SGCD: variants seen among roughly 807,000 people sequenced by gnomAD.
SGCD encodes sarcoglycan delta.
In SGCD, 18 loss-of-function variants were observed where a neutral mutation model predicts 36.6. The ratio of observed to expected loss-of-function variants is 0.49; its 90% CI spans 0.34 to 0.73. SGCD has a LOEUF of 0.73. Ranked by LOEUF, SGCD falls within the 30% of genes least tolerant of loss-of-function variation. The probability of loss-of-function intolerance (pLI) is 0.01; values close to 1 mark genes in which losing one functional copy is unlikely to be tolerated. For missense variants in SGCD, 387 were observed against 346.7 expected (o/e 1.12, Z -0.92); for synonymous variants, 133 against 130.6 (o/e 1.02, Z -0.12).
chr5:156,588,272 G>A (rs1300108835), intron 4 of SGCD, among the ~76,000 whole-genome samples: 1 of 151,380 alleles, frequency 6.6e-6, no homozygotes, highest in Non-Finnish European at 1.5e-5. Context: ...TGGTGGGAGG[G>A]GGAGACAAAA....
chr5:156,290,455 T>G (rs188827361), intron 3 of SGCD, among the ~76,000 whole-genome samples: 3 of 152,312 alleles, frequency 2.0e-5, no homozygotes, highest in African/African-American at 7.2e-5. Flanking sequence ...CTCCAACACT[T>G]ACCCAGCTGT....
At chr5:156,401,231 A>G (rs972934762) in intron 3 of SGCD, among the ~76,000 whole-genome samples, 2 of 152,234 alleles carry the variant, frequency 1.3e-5, no homozygotes, top group Non-Finnish European at 2.9e-5. Flanking sequence ...GGCAGCTATG[A>G]AAAGCAAAGA....
chr5:156,096,121 C>A (rs1761369688), intron 1 of SGCD, among the ~76,000 whole-genome samples: 1 of 152,186 alleles, frequency 6.6e-6, no homozygotes, highest in Admixed American at 6.5e-5. Flanking sequence ...TTCCCCAGAG[C>A]CCCAGCTATG....
At chr5:155,846,444 G>A in the SGCD span, among the ~76,000 whole-genome samples, 1 of 152,148 alleles carries the variant, frequency 6.6e-6, no homozygotes, top group African/African-American at 2.4e-5. Context: ...TGTGTTTGCT[G>A]ATGTGAACAG....
chr5:156,672,691 G>A (rs1196917681), intron 7 of SGCD, among the ~76,000 whole-genome samples: 1 of 152,108 alleles, frequency 6.6e-6, no homozygotes, highest in Non-Finnish European at 1.5e-5. Context: ...TTATGGGTTT[G>A]GGTCATTTTA....
At chr5:155,947,048 C>T (rs534104610) in intron 1 of SGCD, among the ~76,000 whole-genome samples, 39 of 152,228 alleles carry the variant, frequency 2.6e-4, no homozygotes, top group African/African-American at 8.7e-4. Context: ...TCCTATTCTG[C>T]CAGCAAACTT....
At chr5:156,513,675 T>A (rs555253224) in intron 4 of SGCD, among the ~76,000 whole-genome samples, 1 of 152,348 alleles carries the variant, frequency 6.6e-6, no homozygotes, top group African/African-American at 2.4e-5. Context: ...TCACACAGTG[T>A]TCAGCACTGT....
intron 3 of SGCD, among the ~76,000 whole-genome samples, chr5:156,506,597 C>G (rs1756708045): frequency 6.6e-6 from 1 of 151,862 alleles, no homozygotes; most frequent in South Asian, 2.1e-4. Flanking sequence ...GACTACGTGG[C>G]TATATTAAAA....
At chr5:156,243,455 G>A (rs973058223) in intron 3 of SGCD, among the ~76,000 whole-genome samples, 1 of 152,138 alleles carries the variant, frequency 6.6e-6, no homozygotes, top group African/African-American at 2.4e-5. Flanking sequence ...ATTGGAGATA[G>A]GAGTAAAAAA....
chr5:156,753,385 T>A (rs570023012), intron 7 of SGCD, among the ~76,000 whole-genome samples: 1 of 152,188 alleles, frequency 6.6e-6, no homozygotes, highest in African/African-American at 2.4e-5. Context: ...GCCACTCCCA[T>A]CAGGAGGAAA....
chr5:156,419,601 C>T lies in SGCD; in HGVS notation c.192+74924C>T, dbSNP rs750718012. Among the ~76,000 whole-genome samples the T allele has an allele frequency of 9.6e-4, 146 of 152,082 alleles. 1 individual carries two copies. The highest frequency in any genetic ancestry group is 1.3e-3 in the African/African-American group (53 of 41,480). ...ATAAAGTTGTTCCCCTAGTTGCTGG[C>T]GAGTAATAAAAGCAATATGGTGGTG... On this transcript the variant is annotated intron_variant, in intron 3 of 8. Transcript: ENST00000337851.
chr5:156,462,519 T>C (rs769358832), intron 3 of SGCD, among the ~76,000 whole-genome samples: 1 of 152,186 alleles, frequency 6.6e-6, no homozygotes, highest in Non-Finnish European at 1.5e-5. Context: ...AGATACAATT[T>C]TGATCTCTTT....
At chr5:155,951,903 G>T (rs1757555464) in intron 1 of SGCD, among the ~76,000 whole-genome samples, 1 of 152,126 alleles carries the variant, frequency 6.6e-6, no homozygotes, top group Non-Finnish European at 1.5e-5. Flanking sequence ...ATGTACTAAT[G>T]AACCCATATG....
At position 156,075,503 on chromosome 5, in the gene SGCD, A is replaced by G. The variant is rs186157983; in HGVS notation, c.-281-42375A>G. Among the ~76,000 whole-genome samples the G allele has an allele frequency of 2.8e-4, 43 of 152,302 alleles. No homozygotes were observed. The East Asian group carries it at 6.6e-3, about 23-fold the overall frequency. ...ACATTTGGGATTTGGAATAATCCAA[A>G]CCCAGATTGAGGGCCCAGGAACATC... On this transcript the variant is annotated intron_variant, in intron 1 of 9. Coordinates refer to the SGCD transcript ENST00000517913.
intron 7 of SGCD, among the ~76,000 whole-genome samples, chr5:156,726,534 A>T (rs573114896): frequency 3.8e-4 from 58 of 152,212 alleles, no homozygotes; most frequent in African/African-American, 1.4e-3. Context: ...TAAAGGAAAG[A>T]CCCCATACTC....
intron 3 of SGCD, among the ~76,000 whole-genome samples, chr5:156,281,036 C>T (rs1766440152): frequency 6.6e-6 from 1 of 152,240 alleles, no homozygotes; most frequent in African/African-American, 2.4e-5. Flanking sequence ...ATCTATACAA[C>T]ATTAAGCAGA....
chr5:156,751,982 T>G lies in SGCD; in HGVS notation c.576-5599T>G, dbSNP rs142761833. On this transcript the variant is annotated intron_variant, in intron 7 of 8. Coordinates refer to ENST00000337851, the MANE Select transcript of SGCD (RefSeq NM_000337.6). Reference sequence around the variant, plus strand: ...CATCAGGAGCCACACACAAGAATGTTCATGGTTGCACCATTTGTAAAAACA... The same window carrying G: ...CATCAGGAGCCACACACAAGAATGTGCATGGTTGCACCATTTGTAAAAACA... 6.8e-3 allele frequency among the ~76,000 whole-genome samples: 1,031 copies of G among 152,342 alleles called. 5 individuals carry two copies. Among genetic ancestry groups the G allele is most frequent in the Non-Finnish European group, 0.012 (786 of 68,030 alleles).
At chr5:155,981,322 C>T (rs527562770) in intron 1 of SGCD, among the ~76,000 whole-genome samples, 1 of 152,276 alleles carries the variant, frequency 6.6e-6, no homozygotes, top group Non-Finnish European at 1.5e-5. Flanking sequence ...GCTGGTGGAC[C>T]TGAGCTCAAA....
intron 3 of SGCD, among the ~76,000 whole-genome samples, chr5:156,134,135 C>CCTTTG (rs1448478477): frequency 2.0e-5 from 3 of 152,208 alleles, no homozygotes; most frequent in African/African-American, 7.2e-5. Context: ...TTATTCTTCC[C>CCTTTG]CTTTGCTTTG....
Sources: gnomAD v4.1 joint callset for allele counts (sites outside exome capture counted in the v4.1 genomes callset) on GRCh38, gnomAD v4.1.1 for gene constraint, MANE v1.5 for transcripts, NCBI Gene and HGNC (gene_info 2026-07-23, HGNC 2026-07-21) for gene names.